The following TBC1D22A variants were observed in gnomAD, a reference collection of about 807,000 sequenced individuals.
The protein encoded by TBC1D22A is TBC1 domain family member 22A, also known as putative GTPase activator.
A neutral mutation model predicts 60.2 loss-of-function variants in TBC1D22A; 38 were observed. That is an observed-to-expected ratio of 0.63 (90% CI 0.49 to 0.83). The LOEUF (loss-of-function observed/expected upper bound fraction) is 0.83, where lower values mean the gene tolerates loss of function less well. Ranked by LOEUF, TBC1D22A falls within the 40% of genes least tolerant of loss-of-function variation. The probability of loss-of-function intolerance (pLI) is 0.00; values close to 1 mark genes in which losing one functional copy is unlikely to be tolerated. For synonymous variants in TBC1D22A, 302 were observed against 281.7 expected, an observed-to-expected ratio of 1.07 and a Z score of -0.72; for missense variants, 628 against 701.0, an observed-to-expected ratio of 0.90 and a Z score of 1.18.
intron 10 of TBC1D22A, among the ~76,000 whole-genome samples, chr22:47,036,475 T>C (rs1328317386): frequency 1.3e-5 from 2 of 152,218 alleles, no homozygotes. Flanking sequence ...CGTGTGCTTC[T>C]GGGAGTGATG....
chr22:47,069,594 G>A (rs541525879), intron 11 of TBC1D22A, among the ~76,000 whole-genome samples: 6 of 152,356 alleles, frequency 3.9e-5, no homozygotes, highest in Admixed American at 1.3e-4. Context: ...CTGACCTGAC[G>A]GTTCCAGGCT....
At chr22:47,127,557 C>G (rs2066509266) in intron 12 of TBC1D22A, among the ~76,000 whole-genome samples, 1 of 152,090 alleles carries the variant, frequency 6.6e-6, no homozygotes, top group Admixed American at 6.5e-5. Flanking sequence ...GCCTCCTAGG[C>G]TTTCATTATT....
intron 8 of TBC1D22A, among the ~76,000 whole-genome samples, chr22:46,932,896 T>C (rs1390271757): frequency 6.6e-6 from 1 of 152,018 alleles, no homozygotes; most frequent in African/African-American, 2.4e-5. Flanking sequence ...GGCTAATTTT[T>C]TTATTTTTAG....
intron 11 of TBC1D22A, among the ~76,000 whole-genome samples, chr22:47,108,007 A>G (rs1395838122): frequency 6.6e-6 from 1 of 152,382 alleles, no homozygotes; most frequent in African/African-American, 2.4e-5. Context: ...AGAACAAAGT[A>G]CTAGGTTGAC....
rs149306851 is a variant in TBC1D22A, at chr22:46,908,649, C to T, written c.901-3425C>T. ...CGTGCTCTTTTAAAGTACATTACTA[C>T]CCAGGCTGGTGCGGAGCGTCCCGGA... On this transcript the variant is annotated intron_variant, in intron 7 of 12. Transcript: ENST00000337137. 5.4e-3 allele frequency among the ~76,000 whole-genome samples: 816 copies of T among 152,282 alleles called. 5 individuals are homozygous for T. The highest frequency in any genetic ancestry group is 0.019 in the African/African-American group (781 of 41,548).
Position 46,894,822 on chromosome 22 carries a change from G to C in TBC1D22A, c.876G>C (p.Leu292Phe), listed in dbSNP as rs909453412. 1.3e-5 allele frequency: 21 copies of C among 1,614,120 alleles called. No homozygotes were observed. Among genetic ancestry groups the C allele is most frequent in the Non-Finnish European group, 1.7e-5 (20 of 1,180,052 alleles). ...IDIPRMSPEA[L>F]ILQPKVTEIF... Reference sequence around the variant, plus strand: ...TCCCTCGCATGAGCCCTGAAGCGTTGATCCTGCAGCCCAAGGTGACGGAGG... The same window carrying C: ...TCCCTCGCATGAGCCCTGAAGCGTTCATCCTGCAGCCCAAGGTGACGGAGG... Residue 292 changes from leucine to phenylalanine, a missense_variant, in exon 7 of 13, where the codon TTG becomes TTC. Leu to Phe is a conservative substitution (Grantham distance 22). Transcript: ENST00000337137.
chr22:47,060,218 C>A (rs539720512), intron 11 of TBC1D22A, among the ~76,000 whole-genome samples: 35 of 151,380 alleles, frequency 2.3e-4, no homozygotes, highest in African/African-American at 8.5e-4. Flanking sequence ...GCCTCTGCGG[C>A]CCCTGCTAAG....
chr22:47,100,491 A>G (rs2065371538), intron 11 of TBC1D22A, among the ~76,000 whole-genome samples: 1 of 152,070 alleles, frequency 6.6e-6, no homozygotes, highest in African/African-American at 2.4e-5. Flanking sequence ...CCCCACCCAA[A>G]TCTCATCTTG....
intron 12 of TBC1D22A, among the ~76,000 whole-genome samples, chr22:47,128,487 G>C (rs2066569985): frequency 6.8e-6 from 1 of 146,844 alleles, no homozygotes; most frequent in Non-Finnish European, 1.5e-5. Flanking sequence ...TCCAGGGAGA[G>C]GTCTGGGCAG....
chr22:47,036,720 G>A (rs1286768755), intron 10 of TBC1D22A, among the ~76,000 whole-genome samples: 1 of 152,182 alleles, frequency 6.6e-6, no homozygotes, highest in Non-Finnish European at 1.5e-5. Flanking sequence ...TGGGTCTGTG[G>A]AGCTTCTGTG....
intron 11 of TBC1D22A, among the ~76,000 whole-genome samples, chr22:47,068,843 C>A (rs1641992869): frequency 6.6e-6 from 1 of 152,098 alleles, no homozygotes; most frequent in African/African-American, 2.4e-5. Flanking sequence ...TTAATTAATT[C>A]CCCATCAGCC....
intron 9 of TBC1D22A, among the ~76,000 whole-genome samples, chr22:46,987,872 T>C (rs1034941437): frequency 6.6e-5 from 10 of 152,334 alleles, no homozygotes; most frequent in Admixed American, 6.5e-4. Context: ...CTTGCAGAGC[T>C]ACTCGATGGC....
At chr22:46,957,953 T>TAGCC (rs969135912) in intron 8 of TBC1D22A, among the ~76,000 whole-genome samples, 3 of 151,468 alleles carry the variant, frequency 2.0e-5, no homozygotes, top group Non-Finnish European at 4.4e-5. Flanking sequence ...AGGCATAGGA[T>TAGCC]AGCCCCCTGA....
intron 12 of TBC1D22A, among the ~76,000 whole-genome samples, chr22:47,139,400 C>T (rs2066996816): frequency 6.6e-6 from 1 of 152,226 alleles, no homozygotes; most frequent in Non-Finnish European, 1.5e-5. Context: ...CAGGTGTTCA[C>T]CCAAACATGA....
intron 4 of TBC1D22A, among the ~76,000 whole-genome samples, chr22:46,820,824 G>A (rs60007781): frequency 0.01 from 1,528 of 152,248 alleles, 21 homozygotes; most frequent in African/African-American, 0.035. Context: ...TGATAGTGGG[G>A]TGTTAAAGTC....
At chr22:46,901,986 G>A (rs1261875675) in intron 7 of TBC1D22A, among the ~76,000 whole-genome samples, 2 of 152,290 alleles carry the variant, frequency 1.3e-5, no homozygotes, top group South Asian at 4.1e-4. Context: ...TTTCAATATA[G>A]TTCCTTTTTA....
rs377304643 is a variant in TBC1D22A at position 46,986,958 on chromosome 22, C to T, written c.1126-10676C>T. Among the ~76,000 whole-genome samples the T allele has an allele frequency of 3.3e-5, 5 of 152,258 alleles. No homozygotes were observed. In the East Asian group the frequency reaches 7.7e-4, roughly 24 times the overall value. ...TCATTTAAGAGCCTGGCGCCCTGGG[C>T]CTACGTGACTCTAAGAGTAGGACTT... On this transcript the variant is annotated intron_variant, in intron 9 of 12. Coordinates refer to ENST00000337137, the MANE Select transcript of TBC1D22A (RefSeq NM_014346.5).
intron 9 of TBC1D22A, among the ~76,000 whole-genome samples, chr22:46,989,577 G>C (rs1350316095): frequency 6.6e-6 from 1 of 152,112 alleles, no homozygotes; most frequent in Non-Finnish European, 1.5e-5. Context: ...GGAACTGCCG[G>C]TCAGCGGGGC....
intron 8 of TBC1D22A, among the ~76,000 whole-genome samples, chr22:46,949,378 TC>T (rs1275541412): frequency 6.6e-6 from 1 of 152,170 alleles, no homozygotes; most frequent in Admixed American, 6.5e-5. Flanking sequence ...AAGTTGGTTT[TC>T]CGAGGGCCCC....
Sources: allele counts gnomAD v4.1 joint callset (sites outside exome capture counted in the v4.1 genomes callset), GRCh38; gene constraint gnomAD v4.1.1; transcripts MANE v1.5; gene names NCBI Gene and HGNC (gene_info 2026-07-23, HGNC 2026-07-21).